Variants in UST observed in about 807,000 individuals in gnomAD.
UST encodes the protein chondroitin sulfate 2-O-sulfotransferase.
A neutral mutation model predicts 45.6 loss-of-function variants in UST; 21 were observed. The ratio of observed to expected loss-of-function variants is 0.46; its 90% CI spans 0.33 to 0.66. The LOEUF (loss-of-function observed/expected upper bound fraction) is 0.66. Among genes scored for constraint, UST ranks in the 30% least tolerant of loss-of-function variants. The probability of loss-of-function intolerance (pLI) is 0.02; values close to 1 mark genes in which losing one functional copy is unlikely to be tolerated. For missense variants in UST, 463 were observed against 512.4 expected (o/e 0.90, Z 0.93); for synonymous variants, 215 against 200.6 (o/e 1.07, Z -0.61).
At chr6:148,996,562 A>T (rs1451802609) in intron 5 of UST, among the ~76,000 whole-genome samples, 2 of 152,220 alleles carry the variant, frequency 1.3e-5, no homozygotes, top group Non-Finnish European at 2.9e-5. Context: ...TTCCTCCTAC[A>T]GACTCTTTCT....
chr6:148,794,483 TTTTC>T (rs1484104208), intron 1 of UST, among the ~76,000 whole-genome samples: 5 of 152,244 alleles, frequency 3.3e-5, no homozygotes, highest in African/African-American at 9.6e-5. Context: ...TACAGAATCC[TTTTC>T]TTTCTTTTGT....
Position 148,747,382 on chromosome 6 carries a change from G to A in UST, c.-49G>A. The A allele has an allele frequency of 7.3e-7, 1 of 1,367,924 alleles. No individual in the cohort carries two copies. The highest frequency in any genetic ancestry group is 9.5e-7 in the Non-Finnish European group (1 of 1,055,038). 84.7% of individuals were successfully genotyped at this position (1,367,924 alleles called of 1,614,324 possible). A position where few individuals can be genotyped will look rare whatever the true frequency, so the allele number is the denominator to read the frequency against. ...GGGCTCTCCTCCTCGCGGCGGATGG[G>A]TGACCTTTTCCTGGCACGGGCAGGC... On this transcript the variant is annotated 5_prime_UTR_variant, in exon 1 of 8. It adds an upstream start codon to the 5' untranslated region. Coordinates refer to ENST00000367463, the MANE Select transcript of UST (RefSeq NM_005715.3).
chr6:148,766,464 C>T (rs1042097286), intron 1 of UST, among the ~76,000 whole-genome samples: 2 of 152,170 alleles, frequency 1.3e-5, no homozygotes, highest in African/African-American at 4.8e-5. Context: ...CAGGTTCATT[C>T]CTTCAACAAA....
At chr6:149,055,377 T>C (rs78046802) in intron 7 of UST, among the ~76,000 whole-genome samples, 5,748 of 152,286 alleles carry the variant, frequency 0.038, 373 homozygotes, top group African/African-American at 0.13. Flanking sequence ...TTTAGAACAT[T>C]ATGAAATTTC....
At chr6:149,048,662 T>A (rs1776429165) in intron 7 of UST, among the ~76,000 whole-genome samples, 1 of 152,210 alleles carries the variant, frequency 6.6e-6, no homozygotes, top group African/African-American at 2.4e-5. Context: ...GATTATATTT[T>A]ACCAAAACAT....
Position 148,790,379 on chromosome 6 carries a change from G to A in UST, c.247+42702G>A, listed in dbSNP as rs929201368. On this transcript the variant is annotated intron_variant, in intron 1 of 7. Coordinates refer to ENST00000367463, the MANE Select transcript of UST (RefSeq NM_005715.3). The surrounding 1 kb of genome is among the most constrained non-coding windows in gnomAD (Gnocchi z 4.2). ...TCCTTCACTATATTTGCTGTTTCTGGAATAGTAGAGACCACAAGGTTCTGA... is the reference window on the plus strand; with the variant it reads ...TCCTTCACTATATTTGCTGTTTCTGAAATAGTAGAGACCACAAGGTTCTGA... Among the ~76,000 whole-genome samples, 8 of 152,284 alleles carry A rather than the reference G, an allele frequency of 5.3e-5. No individual in the cohort carries two copies. Among genetic ancestry groups the A allele is most frequent in the Admixed American group, 4.6e-4 (7 of 15,300 alleles).
At chr6:148,761,572 G>T (rs1582794216) in intron 1 of UST, among the ~76,000 whole-genome samples, 1 of 151,684 alleles carries the variant, frequency 6.6e-6, no homozygotes, top group Non-Finnish European at 1.5e-5. Context: ...GATACTTCAA[G>T]AGGAAGTTAT....
In UST at chr6:148,790,171, GTCTCC is replaced by G. The variant is rs2114702101; in HGVS notation, c.247+42497_247+42501del. Among the ~76,000 whole-genome samples, 1 of 152,162 alleles carries G rather than the reference GTCTCC, an allele frequency of 6.6e-6. No individual in the cohort carries two copies. The highest frequency in any genetic ancestry group is 2.1e-4 in the South Asian group (1 of 4,808). On this transcript the variant is annotated intron_variant, in intron 1 of 7. Transcript: ENST00000367463. The surrounding 1 kb of genome is among the most constrained non-coding windows in gnomAD (Gnocchi z 4.2). ...CGTTCCCTGACAGTGTTCATGTAGC[GTCTCC>G]TCCTAAGGCGGCAGCCTCGCTGGGT...
intron 1 of UST, among the ~76,000 whole-genome samples, chr6:148,750,427 A>G (rs187756197): frequency 1.4e-4 from 21 of 152,326 alleles, no homozygotes; most frequent in East Asian, 1.2e-3. Flanking sequence ...GTGACATTCA[A>G]TCTGCACAGC....
intron 7 of UST, among the ~76,000 whole-genome samples, chr6:149,055,373 A>G (rs1776547488): frequency 6.6e-6 from 1 of 152,332 alleles, no homozygotes; most frequent in African/African-American, 2.4e-5. Context: ...TGTTTTTAGA[A>G]CATTATGAAA....
chr6:148,979,186 G>T (rs1266854869), intron 5 of UST, among the ~76,000 whole-genome samples: 1 of 152,122 alleles, frequency 6.6e-6, no homozygotes, highest in African/African-American at 2.4e-5. Flanking sequence ...CCTTTCTTGA[G>T]GTTTCTGGAC....
intron 5 of UST, among the ~76,000 whole-genome samples, chr6:148,967,301 A>C (rs113377885): frequency 1.3e-5 from 2 of 150,886 alleles, no homozygotes; most frequent in African/African-American, 4.9e-5. Context: ...TGGGCTCCCC[A>C]AAGCAGCACA....
chr6:148,931,755 G>A lies in UST; in HGVS notation c.292-9524G>A, dbSNP rs144501818. On this transcript the variant is annotated intron_variant, in intron 2 of 7. Transcript: ENST00000367463. ...ATCCACATGCATAACAGATGTTCACGGGAAGATGAGGTTAAACAGGACTTC... is the reference window on the plus strand; with the variant it reads ...ATCCACATGCATAACAGATGTTCACAGGAAGATGAGGTTAAACAGGACTTC... Among the ~76,000 whole-genome samples the A allele has an allele frequency of 1.4e-3, 215 of 152,276 alleles. 1 individual carries two copies. Among genetic ancestry groups the A allele is most frequent in the African/African-American group, 4.6e-3 (192 of 41,564 alleles).
chr6:148,853,942 C>A (rs1029703872), intron 1 of UST, among the ~76,000 whole-genome samples: 29 of 152,162 alleles, frequency 1.9e-4, no homozygotes, highest in African/African-American at 7.0e-4. Flanking sequence ...GATTTCCAGT[C>A]CTCCAGATAC....
At chr6:149,023,170 G>A (rs1236107588) in intron 7 of UST, among the ~76,000 whole-genome samples, 2 of 151,284 alleles carry the variant, frequency 1.3e-5, no homozygotes, top group Non-Finnish European at 3.0e-5. Context: ...GGTGTGTGGT[G>A]TGTGTGTGTC....
chr6:148,830,142 C>G (rs1487277547), intron 1 of UST, among the ~76,000 whole-genome samples: 3 of 152,070 alleles, frequency 2.0e-5, no homozygotes, highest in Admixed American at 6.6e-5. Flanking sequence ...AAATAGTTCC[C>G]TTAATAGAGT....
At chr6:149,021,521 C>G (rs372149719) in intron 7 of UST, 40 bp downstream of exon 7, 6 of 1,610,348 alleles carry the variant, frequency 3.7e-6, no homozygotes, top group Non-Finnish European at 3.4e-6. Context: ...CATGAGAGGT[C>G]TGTGTCCAGG....
rs143425773 is a variant in UST, at chr6:148,899,543, C to T, written c.291+12514C>T. Among the ~76,000 whole-genome samples, 714 of 152,290 alleles carry T rather than the reference C, an allele frequency of 4.7e-3. 6 individuals carry two copies. Among genetic ancestry groups the T allele is most frequent in the African/African-American group, 0.016 (665 of 41,558 alleles). On this transcript the variant is annotated intron_variant, in intron 2 of 7. Coordinates refer to ENST00000367463, the MANE Select transcript of UST (RefSeq NM_005715.3). The stretch of plus-strand genomic sequence containing the variant: ...AAAATAATTACCCACAATGCCACCA[C>T]GCAAGGGCAACTAAAATGAACCATT...
chr6:148,825,234 C>T (rs1423301030), intron 1 of UST, among the ~76,000 whole-genome samples: 1 of 152,044 alleles, frequency 6.6e-6, no homozygotes, highest in Non-Finnish European at 1.5e-5. Flanking sequence ...CTAATATGTC[C>T]CCTGATGATA....
Sources: gnomAD v4.1 joint callset for allele counts (sites outside exome capture counted in the v4.1 genomes callset) on GRCh38, gnomAD v4.1.1 for gene constraint, Gnocchi (gnomAD v3.1) non-coding constraint, MANE v1.5 for transcripts, NCBI Gene and HGNC (gene_info 2026-07-23, HGNC 2026-07-21) for gene names.